The following FAM219A variants were observed in gnomAD, a reference collection of about 807,000 sequenced individuals.
FAM219A encodes the protein family with sequence similarity 219 member A.
FAM219A carries 7 observed loss-of-function variants against 23.4 expected under a neutral mutation model. That is an observed-to-expected ratio of 0.30 (90% CI 0.17 to 0.56). The LOEUF is 0.56. FAM219A is among the 20% of genes least tolerant of loss of function. The probability of loss-of-function intolerance (pLI) is 0.92; values close to 1 mark genes in which losing one functional copy is unlikely to be tolerated. For synonymous variants in FAM219A, 93 were observed against 99.0 expected (o/e 0.94, Z 0.36); for missense variants, 166 against 246.9 (o/e 0.67, Z 2.20).
chr9:34,454,924 T>C lies in FAM219A; in HGVS notation c.60+3280A>G, dbSNP rs182415903. ...ATGGCGCCCATGTGACAAGCCTCTA[T>C]CCATACAGCTTGGTCCAGAAAGGGG... On this transcript the variant is annotated intron_variant, in intron 1 of 5. Coordinates refer to ENST00000651358, the MANE Select transcript of FAM219A (RefSeq NM_001184940.2). Among the ~76,000 whole-genome samples, 3 of 152,292 alleles carry C rather than the reference T, an allele frequency of 2.0e-5. No individual in the cohort carries two copies. The East Asian group carries it at 5.8e-4, about 29-fold the overall frequency.
chr9:34,433,260 T>G (rs1822781227), intron 1 of FAM219A, among the ~76,000 whole-genome samples: 1 of 152,250 alleles, frequency 6.6e-6, no homozygotes. Flanking sequence ...ACTTTCAGGT[T>G]GGCTCCTGTT....
At chr9:34,442,754 A>T (rs1436749754) in intron 1 of FAM219A, among the ~76,000 whole-genome samples, 1 of 151,958 alleles carries the variant, frequency 6.6e-6, no homozygotes, top group Non-Finnish European at 1.5e-5. Context: ...CAAACCAACC[A>T]ACCAATTTTT....
intron 1 of FAM219A, among the ~76,000 whole-genome samples, chr9:34,443,410 T>A (rs1261546829): frequency 6.6e-6 from 1 of 152,142 alleles, no homozygotes; most frequent in Non-Finnish European, 1.5e-5. Flanking sequence ...TTCTCCAGCC[T>A]GGCCTCACCA....
chr9:34,429,835 T>C (rs1022287856), intron 1 of FAM219A, among the ~76,000 whole-genome samples: 2 of 152,208 alleles, frequency 1.3e-5, no homozygotes, highest in African/African-American at 4.8e-5. Context: ...GCTTCAGGCC[T>C]TGAAACCTGC....
In FAM219A at chr9:34,400,953, G is replaced by A. The variant is rs1204999853; in HGVS notation, c.*11C>T. The stretch of plus-strand genomic sequence containing the variant: ...GCGGCCCCGCCCCGGCGACCGCAGT[G>A]GCCCCGCCCGCTACTGAATGTGGCA... On this transcript the variant is annotated 3_prime_UTR_variant, in exon 6 of 6. Coordinates refer to ENST00000651358, the MANE Select transcript of FAM219A (RefSeq NM_001184940.2). The A allele has an allele frequency of 7.2e-6, 11 of 1,528,414 alleles. No homozygotes were observed. The South Asian group carries it at 7.6e-5, about 10-fold the overall frequency. The allele number at this position is 1,528,414 out of a possible 1,614,324, so 94.7% of individuals were successfully genotyped here. A position where few individuals can be genotyped will look rare whatever the true frequency, so the allele number is the denominator to read the frequency against.
chr9:34,412,298 C>T (rs1821850998), intron 1 of FAM219A, among the ~76,000 whole-genome samples: 1 of 152,132 alleles, frequency 6.6e-6, no homozygotes, highest in Admixed American at 6.5e-5. Context: ...GTAGAATTGG[C>T]AGGCTTCTGA....
At chr9:34,437,502 T>C (rs1822965713) in intron 1 of FAM219A, among the ~76,000 whole-genome samples, 1 of 152,206 alleles carries the variant, frequency 6.6e-6, no homozygotes, top group South Asian at 2.1e-4. Flanking sequence ...AGAGTTGAAT[T>C]AACCAGGGCC....
chr9:34,449,013 A>G (rs1823470820), intron 1 of FAM219A, among the ~76,000 whole-genome samples: 1 of 131,238 alleles, frequency 7.6e-6, no homozygotes, highest in African/African-American at 3.0e-5. Context: ...AAAAAACCTC[A>G]GCCATGGGAT....
At chr9:34,446,270 G>T (rs763470166) in intron 1 of FAM219A, among the ~76,000 whole-genome samples, 1 of 151,916 alleles carries the variant, frequency 6.6e-6, no homozygotes, top group South Asian at 2.1e-4. Context: ...AGGGCCACAG[G>T]ACAGGTAAAT....
chr9:34,438,670 A>T (rs1406563838), intron 1 of FAM219A, among the ~76,000 whole-genome samples: 3 of 152,164 alleles, frequency 2.0e-5, no homozygotes, highest in African/African-American at 7.2e-5. Context: ...GAATGCACCA[A>T]TCAACACTGC....
intron 1 of FAM219A, among the ~76,000 whole-genome samples, chr9:34,433,464 C>G (rs1822787184): frequency 6.6e-6 from 1 of 152,216 alleles, no homozygotes; most frequent in Non-Finnish European, 1.5e-5. Flanking sequence ...ATCTCCCCAC[C>G]TTGTCTCCTC....
intron 5 of FAM219A, 149 bp from the exon 6 acceptor site, chr9:34,401,271 C>T (rs545122170): frequency 2.0e-6 from 2 of 991,536 alleles, no homozygotes; most frequent in Non-Finnish European, 2.9e-6. Context: ...TACCCCCAGG[C>T]CCCGCTCCTG....
chr9:34,443,049 T>G (rs1823238601), intron 1 of FAM219A, among the ~76,000 whole-genome samples: 1 of 152,144 alleles, frequency 6.6e-6, no homozygotes. Flanking sequence ...AGCCTTGTGT[T>G]GATAGCTGTT....
At chr9:34,428,616 G>A (rs2131977579) in intron 1 of FAM219A, among the ~76,000 whole-genome samples, 1 of 152,296 alleles carries the variant, frequency 6.6e-6, no homozygotes. Context: ...AAGGTTTGTG[G>A]ACACATAATC....
intron 1 of FAM219A, among the ~76,000 whole-genome samples, chr9:34,430,949 T>G (rs938129578): frequency 6.6e-6 from 1 of 152,210 alleles, no homozygotes; most frequent in East Asian, 1.9e-4. Flanking sequence ...TCTCCAGGGT[T>G]CTGAACCACC....
chr9:34,402,248 C>A (rs1821470478), intron 4 of FAM219A, 139 bp downstream of exon 4: 1 of 1,611,656 alleles, frequency 6.2e-7, no homozygotes, highest in Non-Finnish European at 8.5e-7. Flanking sequence ...ATTCCCATCC[C>A]TGGAGAATTC....
At chr9:34,411,066 G>A (rs1821802852) in intron 1 of FAM219A, among the ~76,000 whole-genome samples, 2 of 152,170 alleles carry the variant, frequency 1.3e-5, no homozygotes, top group South Asian at 4.1e-4. Context: ...TGGCTGGCCT[G>A]TAGCTGTAGC....
rs1036320929 is a variant in FAM219A, at chr9:34,405,846, A to AC, written c.160+18dup. 4.3e-6 allele frequency: 7 copies of AC among 1,610,318 alleles called. No homozygotes were observed. In the South Asian group the frequency reaches 5.5e-5, roughly 13 times the overall value. ...CTTGCCTACTCCCCACATCTCCCTC[A>AC]CCCCCCAGACACACTCACCCAGCTT... is the stretch of plus-strand genomic sequence containing the variant. On this transcript the variant is annotated intron_variant, in intron 2 of 5. Coordinates refer to ENST00000651358, the MANE Select transcript of FAM219A (RefSeq NM_001184940.2).
intron 1 of FAM219A, among the ~76,000 whole-genome samples, chr9:34,422,668 G>A (rs935352034): frequency 3.9e-4 from 59 of 152,150 alleles, no homozygotes; most frequent in African/African-American, 1.4e-3. Context: ...TGAAGCAGTC[G>A]ATAGCTCAAG....
Sources: allele counts gnomAD v4.1 joint callset (sites outside exome capture counted in the v4.1 genomes callset), GRCh38; gene constraint gnomAD v4.1.1; transcripts MANE v1.5; gene names NCBI Gene and HGNC (gene_info 2026-07-23, HGNC 2026-07-21).